The following PIK3C3 variants were observed in gnomAD, a reference collection of about 807,000 sequenced individuals.
The protein encoded by PIK3C3 is phosphatidylinositol 3-kinase catalytic subunit type 3.
In PIK3C3, 95 loss-of-function variants were observed where a neutral mutation model predicts 126.1. That is an observed-to-expected ratio of 0.75 (90% CI 0.64 to 0.89). PIK3C3 has a LOEUF of 0.89. Ranked by LOEUF, PIK3C3 falls within the 40% of genes least tolerant of loss-of-function variation. PIK3C3 has a pLI of 0.00. For synonymous variants in PIK3C3, 374 were observed against 360.0 expected (o/e 1.04, Z -0.44); for missense variants, 829 against 1,063.2 (o/e 0.78, Z 3.06).
chr18:42,033,834 A>G lies in PIK3C3; in HGVS notation c.1716A>G (p.Arg572=), dbSNP rs781740932. The G allele has an allele frequency of 3.1e-5, 49 of 1,601,308 alleles. No homozygotes were observed. The highest frequency in any genetic ancestry group is 4.0e-5 in the Non-Finnish European group (47 of 1,172,834). ...ESGNRKKKNE[R]LQALLGDNEK... is the part of the protein sequence containing the mutation. ...TTTCTGATTTGTTCTAGAATGAGAG[A>G]CTACAGGCATTGCTTGGAGATAATG... The change falls in exon 16 of 25, where the codon AGA becomes AGG. Residue 572 remains arginine (R), a synonymous_variant. Transcript: ENST00000262039.
chr18:42,048,703 A>C (rs142385100), intron 20 of PIK3C3, among the ~76,000 whole-genome samples: 71 of 152,306 alleles, frequency 4.7e-4, no homozygotes, highest in African/African-American at 1.5e-3. Flanking sequence ...AGTCAAATGA[A>C]CTTTATTATT....
At chr18:42,056,402 A>G (rs952478408) in intron 21 of PIK3C3, among the ~76,000 whole-genome samples, 11 of 152,148 alleles carry the variant, frequency 7.2e-5, no homozygotes, top group Non-Finnish European at 1.5e-4. Flanking sequence ...AATTCCTGTC[A>G]TGAAATGAAG....
intron 13 of PIK3C3, 78 bp from the exon 14 acceptor site, chr18:42,027,365 A>C: frequency 2.9e-6 from 2 of 698,404 alleles, no homozygotes; most frequent in East Asian, 3.0e-5. Context: ...AATCTGTTTT[A>C]GTGAAATGAT....
Position 42,061,140 on chromosome 18 carries a change from G to A in PIK3C3, c.2432+3089G>A, listed in dbSNP as rs143996614. ...CATGAACGTGGGTAAGAGAAAGAGTGCAGTTTCCTTGAACATTACATGCAA... is the reference window on the plus strand; with the variant it reads ...CATGAACGTGGGTAAGAGAAAGAGTACAGTTTCCTTGAACATTACATGCAA... On this transcript the variant is annotated intron_variant, in intron 22 of 24. Transcript: ENST00000262039. Among the ~76,000 whole-genome samples the A allele has an allele frequency of 5.9e-5, 9 of 152,326 alleles. No individual in the cohort carries two copies. In the East Asian group the frequency reaches 1.7e-3, roughly 29 times the overall value.
chr18:41,974,757 G>A (rs965410833), intron 4 of PIK3C3, among the ~76,000 whole-genome samples: 5 of 152,110 alleles, frequency 3.3e-5, no homozygotes, highest in African/African-American at 1.2e-4. Flanking sequence ...GTTCCCATCT[G>A]CTCTGTTTTT....
At chr18:42,015,418 C>A in intron 11 of PIK3C3, 58 bp from the exon 12 acceptor site, 3 of 1,303,272 alleles carry the variant, frequency 2.3e-6, no homozygotes, top group Non-Finnish European at 3.3e-6. Flanking sequence ...AAAAATTGTG[C>A]GTTCTCTTAT....
intron 19 of PIK3C3, among the ~76,000 whole-genome samples, chr18:42,042,614 C>T (rs978720584): frequency 2.0e-5 from 3 of 152,144 alleles, no homozygotes; most frequent in African/African-American, 4.8e-5. Context: ...TTTTTCATTA[C>T]TTACATTGTT....
chr18:42,016,605 A>G (rs954933691), intron 12 of PIK3C3, among the ~76,000 whole-genome samples: 5 of 152,202 alleles, frequency 3.3e-5, no homozygotes, highest in Non-Finnish European at 5.9e-5. Context: ...CTAAAAGTGA[A>G]GCAGGTGAGA....
intron 4 of PIK3C3, among the ~76,000 whole-genome samples, chr18:41,986,405 T>G (rs1282269084): frequency 6.6e-6 from 1 of 151,778 alleles, no homozygotes; most frequent in Non-Finnish European, 1.5e-5. Flanking sequence ...GCGAAGTGAG[T>G]AAGAATAGAG....
intron 24 of PIK3C3, among the ~76,000 whole-genome samples, chr18:42,074,542 A>T (rs1985900968): frequency 6.6e-6 from 1 of 152,100 alleles, no homozygotes; most frequent in African/African-American, 2.4e-5. Flanking sequence ...TCCTGCTGTA[A>T]ATATTAAGTG....
At chr18:42,045,531 G>A (rs911326876) in intron 20 of PIK3C3, among the ~76,000 whole-genome samples, 1 of 152,166 alleles carries the variant, frequency 6.6e-6, no homozygotes, top group Non-Finnish European at 1.5e-5. Context: ...CCTGTCCCTG[G>A]CTTGGGCCTC....
intron 21 of PIK3C3, among the ~76,000 whole-genome samples, chr18:42,055,036 G>T (rs781107477): frequency 6.6e-6 from 1 of 151,656 alleles, no homozygotes; most frequent in Non-Finnish European, 1.5e-5. Context: ...CTATAATTTG[G>T]GTATTTGACT....
chr18:42,076,167 T>TATATATATGCAC (rs1568013860), intron 24 of PIK3C3, among the ~76,000 whole-genome samples: 4 of 112,240 alleles, frequency 3.6e-5, no homozygotes, highest in African/African-American at 2.1e-4. Flanking sequence ...TATATGCACA[T>TATATATATGCAC]ATATATATAT....
Position 42,004,541 on chromosome 18 carries a change from G to C in PIK3C3, c.1170G>C (p.Glu390Asp), listed in dbSNP as rs747477819. The stretch of plus-strand genomic sequence containing the variant: ...CCCGGTTGCGACAGGCCGATGATGA[G>C]GTGCATTATTATTTATTATTCTGCT... ...AVARLRQADD[E>D]DLLMYLLQLV... The change falls in exon 10 of 25, where the codon GAG (glutamate) becomes GAC (aspartate). Residue 390 changes from glutamate to aspartate, a missense_variant and splice_region_variant. Around this residue, in one of 4 missense-constraint regions of PIK3C3, gnomAD observed 256 missense variants for 291.0 expected, o/e 0.88. Coordinates refer to ENST00000262039, the MANE Select transcript of PIK3C3 (RefSeq NM_002647.4). The C allele has an allele frequency of 6.3e-7, 1 of 1,581,608 alleles. No homozygotes were observed. The highest frequency in any genetic ancestry group is 2.0e-5 in the Admixed American group (1 of 49,680).
intron 13 of PIK3C3, among the ~76,000 whole-genome samples, chr18:42,025,003 G>A (rs760894648): frequency 1.8e-4 from 28 of 151,574 alleles, no homozygotes; most frequent in Non-Finnish European, 3.4e-4. Flanking sequence ...TAGTAGAGAC[G>A]GGGTTTCACC....
chr18:42,053,189 C>T (rs1235352371), intron 21 of PIK3C3, among the ~76,000 whole-genome samples: 8 of 152,112 alleles, frequency 5.3e-5, no homozygotes, highest in Non-Finnish European at 1.2e-4. Context: ...AATGATCCAG[C>T]TAAGAACTCT....
intron 13 of PIK3C3, among the ~76,000 whole-genome samples, chr18:42,022,165 G>C (rs1983354015): frequency 6.6e-6 from 1 of 151,994 alleles, no homozygotes; most frequent in Non-Finnish European, 1.5e-5. Flanking sequence ...TGTACTTTAA[G>C]TTTTAGGGTA....
At chr18:41,984,840 T>G (rs113745547) in intron 4 of PIK3C3, 1 of 152,162 alleles carries the variant, frequency 6.6e-6, no homozygotes, top group African/African-American at 2.4e-5. Context: ...CTCTTCCACA[T>G]TATATTACCT....
At chr18:41,988,850 A>G (rs560848344) in intron 5 of PIK3C3, among the ~76,000 whole-genome samples, 6 of 152,270 alleles carry the variant, frequency 3.9e-5, no homozygotes, top group Non-Finnish European at 7.4e-5. Context: ...TCACATTTCA[A>G]AAAGAGTTTA....
Sources: allele counts gnomAD v4.1 joint callset (sites outside exome capture counted in the v4.1 genomes callset), GRCh38; gene constraint gnomAD v4.1.1; regional missense constraint gnomAD v4.1.1; transcripts MANE v1.5; gene names NCBI Gene and HGNC (gene_info 2026-07-23, HGNC 2026-07-21).